Variants in SMARCB1 observed in about 807,000 individuals in gnomAD.
The protein encoded by SMARCB1 is SWI/SNF related BAF chromatin remodeling complex subunit B1, also known as SWI/SNF-related matrix-associated actin-dependent regulator of chromatin subfamily B member 1.
Under a neutral mutation model 49.0 loss-of-function variants are expected in SMARCB1, and 5 were observed. The observed-to-expected ratio is 0.10, with a 90% CI of 0.05 to 0.21. The LOEUF is 0.21. Ranked by LOEUF, SMARCB1 falls within the 10% of genes least tolerant of loss-of-function variation. The probability of loss-of-function intolerance (pLI) is 1.00; values close to 1 mark genes in which losing one functional copy is unlikely to be tolerated. For synonymous variants in SMARCB1, 201 were observed against 200.1 expected (o/e 1.00, Z -0.04); for missense variants, 226 against 509.2 (o/e 0.44, Z 5.35).
At chr22:23,792,114 ATG>A in intron 2 of SMARCB1, 5 of 600,460 alleles carry the variant, frequency 8.3e-6, no homozygotes, top group Non-Finnish European at 1.5e-5. Flanking sequence ...GCCATTGGGT[ATG>A]TGAGCGGGCC....
intron 3 of SMARCB1, among the ~76,000 whole-genome samples, chr22:23,799,556 A>G (rs1601399860): frequency 8.4e-6 from 1 of 118,780 alleles, no homozygotes; most frequent in South Asian, 2.8e-4. Flanking sequence ...CTTGTTGCCC[A>G]GGCTGGACTG....
At chr22:23,807,631 A>G (rs1461466707) in intron 5 of SMARCB1, among the ~76,000 whole-genome samples, 1 of 152,058 alleles carries the variant, frequency 6.6e-6, no homozygotes, top group African/African-American at 2.4e-5. Context: ...CAGGAAGCCA[A>G]GTGAAGCCCA....
At chr22:23,806,375 A>G (rs981856504) in intron 5 of SMARCB1, among the ~76,000 whole-genome samples, 17 of 152,346 alleles carry the variant, frequency 1.1e-4, no homozygotes, top group African/African-American at 4.1e-4. Flanking sequence ...ATTTAGAACA[A>G]AGTCTTAACC....
At chr22:23,793,473 G>A in intron 2 of SMARCB1, 86 bp from the exon 3 acceptor site, 3 of 1,410,118 alleles carry the variant, frequency 2.1e-6, no homozygotes, top group Admixed American at 1.7e-5. Flanking sequence ...CCGCATGCGA[G>A]GACCTTGATG....
intron 7 of SMARCB1, among the ~76,000 whole-genome samples, chr22:23,830,506 T>C (rs1226287244): frequency 6.6e-6 from 1 of 152,216 alleles, no homozygotes; most frequent in Non-Finnish European, 1.5e-5. Flanking sequence ...GTAATTGTTC[T>C]TTATATATTC....
intron 4 of SMARCB1, chr22:23,802,888 C>T (rs896694573): frequency 2.9e-6 from 1 of 346,818 alleles, no homozygotes; most frequent in African/African-American, 2.1e-5. Flanking sequence ...GCTCTGTGGT[C>T]TGTTTGTACG....
At position 23,793,075 on chromosome 22, in the gene SMARCB1, C is replaced by T. The variant is rs1928500880; in HGVS notation, c.233-484C>T. Reference sequence around the variant, plus strand: ...TTTGGTGTGAAGCAGCTCTTTCCAACTCTCTGGGCTCTTGTTTTAAAAGAA... The same window carrying T: ...TTTGGTGTGAAGCAGCTCTTTCCAATTCTCTGGGCTCTTGTTTTAAAAGAA... On this transcript the variant is annotated intron_variant, in intron 2 of 8. Transcript: ENST00000644036. 2.9e-5 allele frequency: 7 copies of T among 239,126 alleles called. No homozygotes were observed. In the South Asian group the frequency reaches 4.3e-4, roughly 15 times the overall value. The allele number at this position is 239,126 out of a possible 1,614,324, so 14.8% of individuals were successfully genotyped here.
chr22:23,802,619 C>G, intron 4 of SMARCB1: 1 of 164,278 alleles, frequency 6.1e-6, no homozygotes. Context: ...ATCTACCTCC[C>G]AAGGTCACTG....
Position 23,834,906 on chromosome 22 carries a change from G to T in SMARCB1, c.*726G>T. On this transcript the variant is annotated 3_prime_UTR_variant, in exon 9 of 9. Transcript: ENST00000644036. ...TGTCCAGATGGTCAGGCTACTGCCA[G>T]CTGGGGCCTTGCTGCTCTGAAGTCC... 6.2e-7 allele frequency: 1 copy of T among 1,611,476 alleles called. No homozygotes were observed. The highest frequency in any genetic ancestry group is 8.5e-7 in the Non-Finnish European group (1 of 1,179,606).
intron 3 of SMARCB1, among the ~76,000 whole-genome samples, chr22:23,799,221 C>T (rs1928974193): frequency 6.6e-6 from 1 of 152,012 alleles, no homozygotes; most frequent in Non-Finnish European, 1.5e-5. Flanking sequence ...ACAACGGGCA[C>T]CCAAATGCTC....
chr22:23,829,782 G>A (rs1299068640), intron 7 of SMARCB1, among the ~76,000 whole-genome samples: 1 of 152,120 alleles, frequency 6.6e-6, no homozygotes, highest in Non-Finnish European at 1.5e-5. Flanking sequence ...TCAATTTTAG[G>A]ACTTTTTCAT....
intron 3 of SMARCB1, among the ~76,000 whole-genome samples, chr22:23,797,240 C>T (rs1420397289): frequency 2.5e-4 from 38 of 149,750 alleles, no homozygotes; most frequent in African/African-American, 8.8e-4. Context: ...CCTCGTGATC[C>T]GCCCGCCTCG....
At chr22:23,831,923 C>T (rs920216886) in intron 7 of SMARCB1, among the ~76,000 whole-genome samples, 1 of 152,200 alleles carries the variant, frequency 6.6e-6, no homozygotes, top group Admixed American at 6.5e-5. Flanking sequence ...GCCGACATTG[C>T]CTCTGGCCCT....
At chr22:23,833,096 G>A (rs1056369917) in intron 7 of SMARCB1, among the ~76,000 whole-genome samples, 1 of 152,164 alleles carries the variant, frequency 6.6e-6, no homozygotes, top group African/African-American at 2.4e-5. Flanking sequence ...AGTAGTGGGG[G>A]GCTGGGGACT....
intron 3 of SMARCB1, among the ~76,000 whole-genome samples, chr22:23,796,478 A>G (rs1422318217): frequency 6.6e-6 from 1 of 152,214 alleles, no homozygotes; most frequent in Non-Finnish European, 1.5e-5. Flanking sequence ...TTCTCTGCAC[A>G]AAGCCCAAGG....
In SMARCB1 at chr22:23,787,184, G is replaced by C. The variant is rs747587445; in HGVS notation, c.15G>C (p.Ala5=). 2 of 1,607,890 alleles carry C rather than the reference G, an allele frequency of 1.2e-6. No individual in the cohort carries two copies. Among genetic ancestry groups the C allele is most frequent in the South Asian group, 2.2e-5 (2 of 90,658 alleles). Residue 5 remains alanine, a synonymous_variant, in exon 1 of 9, where the codon GCG becomes GCC. Transcript: ENST00000644036. ...CTGCCGCCGCAATGATGATGATGGC[G>C]CTGAGCAAGACCTTCGGGCAGAAGC... MMMM[A]LSKTFGQKPV...
chr22:23,805,761 T>C (rs1373397254), intron 5 of SMARCB1, among the ~76,000 whole-genome samples: 1 of 152,242 alleles, frequency 6.6e-6, no homozygotes, highest in Non-Finnish European at 1.5e-5. Flanking sequence ...CGCCTTGGCC[T>C]CCCAAAGTGC....
intron 1 of SMARCB1, among the ~76,000 whole-genome samples, chr22:23,789,294 G>T (rs1928220941): frequency 6.6e-6 from 1 of 152,212 alleles, no homozygotes. Context: ...GTCCTCATTG[G>T]CCAGTAGGCA....
At chr22:23,830,649 C>CTTTTTTTTTTTTTTTTTTTTTTTTTT (rs56800497) in intron 7 of SMARCB1, among the ~76,000 whole-genome samples, 2 of 95,424 alleles carry the variant, frequency 2.1e-5, no homozygotes, top group Non-Finnish European at 1.9e-5. Context: ...TCCAATTTAT[C>CTTTTTTTTTTTTTTTTTTTTTTTTTT]TTTTTTTTTT....
Sources: allele counts gnomAD v4.1 joint callset (sites outside exome capture counted in the v4.1 genomes callset), GRCh38; gene constraint gnomAD v4.1.1; transcripts MANE v1.5; gene names NCBI Gene and HGNC (gene_info 2026-07-23, HGNC 2026-07-21).